Variants in GARS1 observed in about 807,000 individuals in gnomAD.
The protein encoded by GARS1 is glycyl-tRNA synthetase 1.
GARS1 carries 46 observed loss-of-function variants against 86.4 expected under a neutral mutation model. The observed-to-expected ratio is 0.53, with a 90% CI of 0.42 to 0.68. The LOEUF (loss-of-function observed/expected upper bound fraction) is 0.68. GARS1 is among the 30% of genes least tolerant of loss of function. GARS1 has a pLI of 0.00. For missense variants in GARS1, 797 were observed against 915.6 expected (o/e 0.87, Z 1.67); for synonymous variants, 342 against 329.8 (o/e 1.04, Z -0.40).
intron 12 of GARS1, among the ~76,000 whole-genome samples, chr7:30,625,918 G>A (rs1221207514): frequency 6.6e-6 from 1 of 152,150 alleles, no homozygotes; most frequent in Non-Finnish European, 1.5e-5. Context: ...TTCTAAAACT[G>A]AATTTTCAAA....
intron 7 of GARS1, among the ~76,000 whole-genome samples, chr7:30,610,137 A>G (rs1172769286): frequency 6.6e-6 from 1 of 152,240 alleles, no homozygotes; most frequent in Non-Finnish European, 1.5e-5. Context: ...TGTGTTGTCC[A>G]GTATGATTAG....
Position 30,622,299 on chromosome 7 carries a change from T to A in GARS1, c.1468-18T>A. On this transcript the variant is annotated intron_variant, in intron 11 of 16. Transcript: ENST00000389266. ...CTGAGGCAGTGCTGTAGTTTTGGATTCCTTGACTACTTCATACAAAACAGT... is the reference window on the plus strand; with the variant it reads ...CTGAGGCAGTGCTGTAGTTTTGGATACCTTGACTACTTCATACAAAACAGT... 6.2e-7 allele frequency: 1 copy of A among 1,613,980 alleles called. No individual in the cohort carries two copies. The highest frequency in any genetic ancestry group is 8.5e-7 in the Non-Finnish European group (1 of 1,179,920).
chr7:30,600,473 A>T (rs1182995097), intron 3 of GARS1, among the ~76,000 whole-genome samples: 3 of 152,260 alleles, frequency 2.0e-5, no homozygotes, highest in Non-Finnish European at 4.4e-5. Context: ...CATTCTTCCC[A>T]GGGATGTAGA....
At position 30,603,482 on chromosome 7, in the gene GARS1, C is replaced by T; in HGVS notation, c.659-14C>T. On this transcript the variant is annotated splice_polypyrimidine_tract_variant and intron_variant, in intron 5 of 16. Transcript: ENST00000389266. ...TTTCCCATTGATTGATATATGTCAA[C>T]ACTGTTCTTACAGCTCATTTACAGA... The T allele has an allele frequency of 6.2e-7, 1 of 1,604,310 alleles. No homozygotes were observed. Among genetic ancestry groups the T allele is most frequent in the East Asian group, 2.2e-5 (1 of 44,808 alleles).
chr7:30,603,636 A>G lies in GARS1; in HGVS notation c.735+64A>G, dbSNP rs140911923. 7.1e-4 allele frequency: 832 copies of G among 1,164,158 alleles called. 3 individuals carry two copies. The African/African-American group carries it at 9.9e-3, about 14-fold the overall frequency. 72.1% of individuals were successfully genotyped at this position (1,164,158 alleles called of 1,614,324 possible). A position where few individuals can be genotyped will look rare whatever the true frequency, so the allele number is the denominator to read the frequency against. On this transcript the variant is annotated intron_variant, in intron 6 of 16. Transcript: ENST00000389266. Reference sequence around the variant, plus strand: ...GTCGCTGTCCTTCTTTCAGTGTTTAATGACTGTTGCATTTCCCATTATGCT... The same window carrying G: ...GTCGCTGTCCTTCTTTCAGTGTTTAGTGACTGTTGCATTTCCCATTATGCT...
chr7:30,611,727 G>C (rs1190517060), intron 7 of GARS1, among the ~76,000 whole-genome samples: 1 of 152,124 alleles, frequency 6.6e-6, no homozygotes, highest in African/African-American at 2.4e-5. Flanking sequence ...CAGGTGATCC[G>C]CCCACTTCAG....
At chr7:30,631,678 A>G in intron 15 of GARS1, 137 bp downstream of exon 15, 1 of 686,078 alleles carries the variant, frequency 1.5e-6, no homozygotes, top group Non-Finnish European at 2.6e-6. Context: ...ACATGATTTT[A>G]GCCTGTACTC....
At chr7:30,594,850 T>A, upstream of GARS1, 1 of 1,338,000 alleles carries the variant, frequency 7.5e-7, no homozygotes. Flanking sequence ...GGCGATTTCA[T>A]CATGCTCCGA....
At chr7:30,599,002 T>C (rs1791320970) in intron 2 of GARS1, 105 bp downstream of exon 2, 1 of 887,060 alleles carries the variant, frequency 1.1e-6, no homozygotes, top group Admixed American at 2.0e-5. Context: ...ACAAGTATCA[T>C]TTGGTTTATC....
At chr7:30,617,342 T>A (rs951506454) in intron 10 of GARS1, 64 bp downstream of exon 10, 5 of 1,540,028 alleles carry the variant, frequency 3.2e-6, no homozygotes, top group Non-Finnish European at 4.5e-6. Flanking sequence ...AGGTACCAAA[T>A]GAATTTTTGT....
At chr7:30,595,164 C>A (rs1306541069) in intron 1 of GARS1, 21 bp downstream of exon 1, 2 of 1,531,262 alleles carry the variant, frequency 1.3e-6, no homozygotes, top group Non-Finnish European at 8.8e-7. Flanking sequence ...TTTGCGCTCT[C>A]CGCTAAGCCT....
chr7:30,611,071 GTAGGCCATTGGGA>G (rs1261465641), intron 7 of GARS1, among the ~76,000 whole-genome samples: 1 of 152,180 alleles, frequency 6.6e-6, no homozygotes, highest in African/African-American at 2.4e-5. Flanking sequence ...TTATTCTGAA[GTAGGCCATTGGGA>G]GCGTTTCCTT....
intron 12 of GARS1, among the ~76,000 whole-genome samples, chr7:30,624,138 G>A (rs575127476): frequency 1.2e-4 from 19 of 152,066 alleles, no homozygotes; most frequent in Admixed American, 5.9e-4. Flanking sequence ...ATCAGCTGTG[G>A]TTAGTGTTAG....
chr7:30,621,126 G>C (rs186141536), intron 10 of GARS1, among the ~76,000 whole-genome samples: 74 of 148,236 alleles, frequency 5.0e-4, no homozygotes, highest in Non-Finnish European at 1.0e-3. Context: ...GGCCTCAAGT[G>C]ATCCTTCCAC....
chr7:30,610,964 G>T (rs759211239), intron 7 of GARS1, among the ~76,000 whole-genome samples: 4 of 152,138 alleles, frequency 2.6e-5, no homozygotes, highest in Non-Finnish European at 5.9e-5. Flanking sequence ...AATCTGGAAA[G>T]GGCCATAAAA....
At chr7:30,595,941 A>G in intron 1 of GARS1, 2 of 470,890 alleles carry the variant, frequency 4.2e-6, no homozygotes, top group South Asian at 3.1e-5. Flanking sequence ...AAGGTGAGGG[A>G]AGGTTTCATG....
chr7:30,621,476 A>G lies in GARS1; in HGVS notation c.1443A>G (p.Val481=). The stretch of plus-strand genomic sequence containing the variant: ...CACGAGCCACCAAAGTCCCACTTGT[A>G]GCTGAGAAACCTCTGAAAGAACCCA... ...CHARATKVPL[V]AEKPLKEPKT... Residue 481 remains valine, a synonymous_variant, in exon 11 of 17, where the codon GTA becomes GTG. Coordinates refer to ENST00000389266, the MANE Select transcript of GARS1 (RefSeq NM_002047.4). 5 of 1,614,166 alleles carry G rather than the reference A, an allele frequency of 3.1e-6. No individual in the cohort carries two copies. The highest frequency in any genetic ancestry group is 2.7e-5 in the African/African-American group (2 of 75,052).
Position 30,601,087 on chromosome 7 carries a change from A to G in GARS1, c.456A>G (p.Pro152=). The change falls in exon 4 of 17, where the codon CCA becomes CCG. Residue 152 remains proline (P), a synonymous_variant. Coordinates refer to ENST00000389266, the MANE Select transcript of GARS1 (RefSeq NM_002047.4). The stretch of plus-strand genomic sequence containing the variant: ...TTAGTGGTCTGTATGACTTTGGGCC[A>G]GTTGGCTGTGCTTTGAAGAACAATA... ...GGVSGLYDFG[P]VGCALKNNII... 3 of 1,614,142 alleles carry G rather than the reference A, an allele frequency of 1.9e-6. No homozygotes were observed. The highest frequency in any genetic ancestry group is 2.5e-6 in the Non-Finnish European group (3 of 1,179,990).
In GARS1 at chr7:30,632,566, G is replaced by A. The variant is rs79295938; in HGVS notation, c.2094+129G>A. 4.0e-3 allele frequency: 3,742 copies of A among 926,254 alleles called. 91 individuals carry two copies. In the African/African-American group the frequency reaches 0.054, roughly 13 times the overall value. 57.4% of individuals were successfully genotyped at this position (926,254 alleles called of 1,614,324 possible). On this transcript the variant is annotated intron_variant, in intron 16 of 16. Transcript: ENST00000389266. This position sits in a 1 kb window ranked among gnomAD's most constrained non-coding sequence, Gnocchi z 4.1. ...TCTTTTTAATTTTAATGAACGGCTT[G>A]TATCAGACAGAGCCCAGATTCTCAA... is the stretch of plus-strand genomic sequence containing the variant.
Sources: gnomAD v4.1 joint callset for allele counts (sites outside exome capture counted in the v4.1 genomes callset) on GRCh38, gnomAD v4.1.1 for gene constraint, Gnocchi (gnomAD v3.1) non-coding constraint, MANE v1.5 for transcripts, NCBI Gene and HGNC (gene_info 2026-07-23, HGNC 2026-07-21) for gene names.